NEBL: variants seen among roughly 807,000 people sequenced by gnomAD.
The protein encoded by NEBL is LIM and SH3 protein 2.
Under a neutral mutation model 140.2 loss-of-function variants are expected in NEBL, and 122 were observed. The observed-to-expected ratio is 0.87, with a 90% CI of 0.75 to 1.01. The LOEUF is 1.01. NEBL is among the 50% of genes least tolerant of loss of function. The probability of loss-of-function intolerance (pLI) is 0.00; values close to 1 mark genes in which losing one functional copy is unlikely to be tolerated. For missense variants in NEBL, 1,365 were observed against 1,231.3 expected, an observed-to-expected ratio of 1.11 and a Z score of -1.62; for synonymous variants, 436 against 398.9, an observed-to-expected ratio of 1.09 and a Z score of -1.11.
At chr10:21,182,138 C>G (rs932881520) in intron 3 of NEBL, among the ~76,000 whole-genome samples, 7 of 149,876 alleles carry the variant, frequency 4.7e-5, no homozygotes, top group Admixed American at 2.7e-4. Context: ...TAACCACGGA[C>G]AGGATATGGC....
intron 2 of NEBL, among the ~76,000 whole-genome samples, chr10:21,151,122 C>A (rs1383041670): frequency 6.6e-6 from 1 of 152,162 alleles, no homozygotes; most frequent in African/African-American, 2.4e-5. Context: ...AAACAAGACT[C>A]GATTCTTCTG....
At chr10:21,080,830 T>A (rs914409204) in intron 2 of NEBL, among the ~76,000 whole-genome samples, 1 of 152,130 alleles carries the variant, frequency 6.6e-6, no homozygotes, top group African/African-American at 2.4e-5. Flanking sequence ...GTGTCATTTT[T>A]AAAATGTGAT....
chr10:21,159,696 C>T (rs45530234), intron 2 of NEBL, among the ~76,000 whole-genome samples: 1 of 152,152 alleles, frequency 6.6e-6, no homozygotes, highest in South Asian at 2.1e-4. Context: ...CCTTCTTTTC[C>T]TTCTCACTCA....
intron 3 of NEBL, among the ~76,000 whole-genome samples, chr10:20,985,447 G>GATTATCTTCAT (rs1425990167): frequency 2.0e-5 from 3 of 152,012 alleles, no homozygotes; most frequent in Non-Finnish European, 4.4e-5. Flanking sequence ...ATTCTAATAA[G>GATTATCTTCAT]ATTATCTTCA....
intron 2 of NEBL, among the ~76,000 whole-genome samples, chr10:21,146,063 G>A (rs1009553621): frequency 6.6e-6 from 1 of 152,010 alleles, no homozygotes; most frequent in Non-Finnish European, 1.5e-5. Flanking sequence ...CGCCCGCTAT[G>A]AGCCAGGCAC....
intron 4 of NEBL, among the ~76,000 whole-genome samples, chr10:20,907,462 T>A (rs533530848): frequency 3.3e-5 from 5 of 152,274 alleles, no homozygotes; most frequent in African/African-American, 9.6e-5. Flanking sequence ...GACTGAATAA[T>A]AAACATTCGA....
Position 20,859,615 on chromosome 10 carries a change from A to T in NEBL, c.798+98T>A, listed in dbSNP as rs1211526119. 4.1e-6 allele frequency: 3 copies of T among 738,788 alleles called. No individual in the cohort carries two copies. In the Admixed American group the frequency reaches 7.9e-5, roughly 19 times the overall value. 45.8% of individuals were successfully genotyped at this position (738,788 alleles called of 1,614,324 possible). ...ATATGCTTCAGTTCAACTACAAATT[A>T]CTTGGAAGCTAAGTATCAGTAATTA... On this transcript the variant is annotated intron_variant, in intron 8 of 27. Coordinates refer to ENST00000377122, the MANE Select transcript of NEBL (RefSeq NM_006393.3).
chr10:21,233,851 T>C (rs1842304772), intron 3 of NEBL, among the ~76,000 whole-genome samples: 4 of 114,420 alleles, frequency 3.5e-5, no homozygotes, highest in Admixed American at 1.9e-4. Context: ...ATATATTACA[T>C]ATATAGATAT....
intron 2 of NEBL, among the ~76,000 whole-genome samples, chr10:21,066,774 C>T (rs1454934678): frequency 6.6e-6 from 1 of 151,808 alleles, no homozygotes; most frequent in Admixed American, 6.6e-5. Context: ...ATCTTAATTC[C>T]CATCTACAAA....
Position 20,802,385 on chromosome 10 carries a change from A to C in NEBL, c.2761+6125T>G, listed in dbSNP as rs530682952. Among the ~76,000 whole-genome samples, 3 of 152,348 alleles carry C rather than the reference A, an allele frequency of 2.0e-5. No homozygotes were observed. The South Asian group carries it at 6.2e-4, about 32-fold the overall frequency. The stretch of plus-strand genomic sequence containing the variant: ...AAAGGCAGTAAAGATAATTTCAAGT[A>C]ATACTATTCATGAATCAAAACAAAA... On this transcript the variant is annotated intron_variant, in intron 26 of 27. Coordinates refer to ENST00000377122, the MANE Select transcript of NEBL (RefSeq NM_006393.3).
chr10:20,985,839 A>G (rs1351586873), intron 3 of NEBL, among the ~76,000 whole-genome samples: 1 of 152,244 alleles, frequency 6.6e-6, no homozygotes, highest in Non-Finnish European at 1.5e-5. Context: ...TAAAAGGACC[A>G]GCAGGAAAAT....
chr10:20,967,292 G>A (rs898269738), intron 3 of NEBL, among the ~76,000 whole-genome samples: 13 of 152,308 alleles, frequency 8.5e-5, no homozygotes, highest in African/African-American at 3.1e-4. Context: ...CTATGTGGAT[G>A]AGTCTCAGAA....
chr10:21,198,630 T>A (rs1319082440), intron 3 of NEBL, among the ~76,000 whole-genome samples: 1 of 152,120 alleles, frequency 6.6e-6, no homozygotes, highest in Non-Finnish European at 1.5e-5. Flanking sequence ...ATTCCAGAAG[T>A]CCCTTTGTGT....
intron 1 of NEBL, among the ~76,000 whole-genome samples, chr10:21,172,714 C>A (rs1841135078): frequency 6.6e-6 from 1 of 152,100 alleles, no homozygotes. Flanking sequence ...GCACCATGGA[C>A]GAACTGTCAA....
At chr10:21,041,480 A>C (rs1167977183) in intron 2 of NEBL, among the ~76,000 whole-genome samples, 2 of 152,170 alleles carry the variant, frequency 1.3e-5, no homozygotes, top group Non-Finnish European at 2.9e-5. Flanking sequence ...AGCCGAGAAG[A>C]AAAAGGAGAG....
rs527954688 is a variant in NEBL at position 20,994,342 on chromosome 10, C to T, written c.249+25775G>A. 4.6e-5 allele frequency among the ~76,000 whole-genome samples: 7 copies of T among 152,278 alleles called. No individual in the cohort carries two copies. The South Asian group carries it at 1.2e-3, about 27-fold the overall frequency. On this transcript the variant is annotated intron_variant, in intron 3 of 6. Transcript: ENST00000417816. ...AGCTAGAGGCAAAGTACAGGGAAGC[C>T]AACTCCAGGGGGATCTTTCAATGAA...
chr10:20,848,511 G>A (rs546389726), intron 11 of NEBL, among the ~76,000 whole-genome samples: 40 of 152,292 alleles, frequency 2.6e-4, no homozygotes, highest in African/African-American at 9.4e-4. Flanking sequence ...TTAGCAACCC[G>A]GTAACAAAGC....
chr10:21,013,771 G>C (rs761197236), intron 3 of NEBL, among the ~76,000 whole-genome samples: 2 of 152,084 alleles, frequency 1.3e-5, no homozygotes, highest in Admixed American at 6.6e-5. Context: ...CCATCTACTC[G>C]GGAGGCTGAG....
intron 14 of NEBL, among the ~76,000 whole-genome samples, chr10:20,832,186 G>C (rs916125159): frequency 6.6e-6 from 1 of 152,188 alleles, no homozygotes; most frequent in African/African-American, 2.4e-5. Context: ...ACTGGCCCAA[G>C]TCTCTGGGAT....
Sources: allele counts gnomAD v4.1 joint callset (sites outside exome capture counted in the v4.1 genomes callset), GRCh38; gene constraint gnomAD v4.1.1; transcripts MANE v1.5; gene names NCBI Gene and HGNC (gene_info 2026-07-23, HGNC 2026-07-21).